The following KCNC1 variants were observed in gnomAD, a reference collection of about 807,000 sequenced individuals.
KCNC1 encodes the protein potassium voltage-gated channel subfamily C member 1.
KCNC1 carries 8 observed loss-of-function variants against 43.4 expected under a neutral mutation model. The ratio of observed to expected loss-of-function variants is 0.18; its 90% CI spans 0.11 to 0.33. The LOEUF is 0.33. KCNC1 is among the 10% of genes least tolerant of loss of function. The probability of loss-of-function intolerance (pLI) is 1.00; values close to 1 mark genes in which losing one functional copy is unlikely to be tolerated. For missense variants in KCNC1, 420 were observed against 836.0 expected, an observed-to-expected ratio of 0.50 and a Z score of 6.14; for synonymous variants, 361 against 360.5, an observed-to-expected ratio of 1.00 and a Z score of -0.01.
chr11:17,748,518 G>A (rs1848928195), intron 1 of KCNC1, among the ~76,000 whole-genome samples: 1 of 152,104 alleles, frequency 6.6e-6, no homozygotes, highest in Non-Finnish European at 1.5e-5. Flanking sequence ...TTGAGAGATG[G>A]GCACGCTAGG....
chr11:17,762,387 C>A (rs185715998), intron 1 of KCNC1, among the ~76,000 whole-genome samples: 1 of 152,220 alleles, frequency 6.6e-6, no homozygotes. Flanking sequence ...GTGAGAGGCT[C>A]TGTGTGGAGG....
chr11:17,743,354 G>A (rs763003027), intron 1 of KCNC1, among the ~76,000 whole-genome samples: 14 of 151,874 alleles, frequency 9.2e-5, no homozygotes, highest in Non-Finnish European at 1.5e-4. Context: ...CTGTGCCCCA[G>A]GTTTGAATTT....
Position 17,777,325 on chromosome 11 carries a change from C to T in KCNC1, c.1505-2131C>T. 1 of 985,876 alleles carries T rather than the reference C, an allele frequency of 1.0e-6. No individual in the cohort carries two copies. Among genetic ancestry groups the T allele is most frequent in the Non-Finnish European group, 1.2e-6 (1 of 830,004 alleles). The allele number at this position is 985,876 out of a possible 1,614,324, so 61.1% of individuals were successfully genotyped here. ...ACCTCCCCTGGCAGAGGATGGCCAA[C>T]AGAGACTCAGCAAGTCCTCACTCCC... On this transcript the variant is annotated intron_variant, in intron 2 of 3. Coordinates refer to ENST00000265969, the MANE Select transcript of KCNC1 (RefSeq NM_001112741.2). This position sits in a 1 kb window ranked among gnomAD's most constrained non-coding sequence, Gnocchi z 4.3.
At chr11:17,749,361 C>T (rs1002179461) in intron 1 of KCNC1, among the ~76,000 whole-genome samples, 4 of 152,252 alleles carry the variant, frequency 2.6e-5, no homozygotes, top group Non-Finnish European at 5.9e-5. Flanking sequence ...CTCACCCCAC[C>T]TGAGAGGAGA....
chr11:17,745,791 C>T (rs1350333758), intron 1 of KCNC1, among the ~76,000 whole-genome samples: 1 of 152,218 alleles, frequency 6.6e-6, no homozygotes, highest in South Asian at 2.1e-4. Flanking sequence ...CTCTCACACC[C>T]CCTCCAGGTC....
intron 1 of KCNC1, among the ~76,000 whole-genome samples, chr11:17,740,684 G>A (rs962923160): frequency 2.0e-5 from 3 of 152,092 alleles, no homozygotes; most frequent in Non-Finnish European, 2.9e-5. Flanking sequence ...CTGTTCCTGA[G>A]TCACTTGACC....
intron 1 of KCNC1, among the ~76,000 whole-genome samples, chr11:17,746,725 C>T (rs1176793757): frequency 6.6e-6 from 1 of 152,114 alleles, no homozygotes; most frequent in African/African-American, 2.4e-5. Flanking sequence ...TTGCATCTCC[C>T]CACTCCCCAC....
chr11:17,739,109 C>G lies in KCNC1; in HGVS notation c.570+2537C>G, dbSNP rs1489121951. ...AGACCAGCCGCCTGCCCGCCCTCCT[C>G]CCCCTCTGTCTTTGCTCTGCCGCCT... On this transcript the variant is annotated intron_variant, in intron 1 of 3. Coordinates refer to ENST00000265969, the MANE Select transcript of KCNC1 (RefSeq NM_001112741.2). The surrounding 1 kb of genome is among the most constrained non-coding windows in gnomAD (Gnocchi z 4.2). Among the ~76,000 whole-genome samples the G allele has an allele frequency of 6.6e-6, 1 of 152,152 alleles. No individual in the cohort carries two copies. The highest frequency in any genetic ancestry group is 2.4e-5 in the African/African-American group (1 of 41,440).
intron 2 of KCNC1, among the ~76,000 whole-genome samples, chr11:17,778,033 G>A (rs1162659308): frequency 1.3e-5 from 2 of 152,172 alleles, no homozygotes; most frequent in Admixed American, 6.5e-5. Context: ...CTCCCCTGAC[G>A]TGGTCGTGCC....
intron 2 of KCNC1, chr11:17,775,062 G>T (rs1415628631): frequency 3.0e-6 from 3 of 985,412 alleles, no homozygotes; most frequent in Non-Finnish European, 3.6e-6. Flanking sequence ...TAGGGTTGGG[G>T]TGAGTTTGTG....
In KCNC1 at chr11:17,773,013, T is replaced by A; in HGVS notation, c.1504+415T>A. On this transcript the variant is annotated intron_variant, in intron 2 of 3. Transcript: ENST00000265969. The surrounding 1 kb of genome is among the most constrained non-coding windows in gnomAD (Gnocchi z 4.1). The stretch of plus-strand genomic sequence containing the variant: ...TGTGATTTGGAAACGCTAGACAGCC[T>A]TTGATCTGGTCCTTACCATGGCTCC... 1 of 1,055,246 alleles carries A rather than the reference T, an allele frequency of 9.5e-7. No individual in the cohort carries two copies. The allele number at this position is 1,055,246 out of a possible 1,614,324, so 65.4% of individuals were successfully genotyped here.
rs1313254573 is a variant in KCNC1, at chr11:17,781,644, G to A, written c.1694-26G>A. 6.7e-6 allele frequency: 10 copies of A among 1,487,998 alleles called. No homozygotes were observed. The highest frequency in any genetic ancestry group is 2.0e-5 in the Admixed American group (1 of 50,802). The allele number at this position is 1,487,998 out of a possible 1,614,324, so 92.2% of individuals were successfully genotyped here. A position where few individuals can be genotyped will look rare whatever the true frequency, so the allele number is the denominator to read the frequency against. On this transcript the variant is annotated intron_variant, in intron 3 of 3. Transcript: ENST00000265969. This position sits in a 1 kb window ranked among gnomAD's most constrained non-coding sequence, Gnocchi z 5.1. ...GGGAGAGCCAAGAAGAGAAGCTCAAGTGTTAATTGTATTCTTTACATACAG... is the reference window on the plus strand; with the variant it reads ...GGGAGAGCCAAGAAGAGAAGCTCAAATGTTAATTGTATTCTTTACATACAG...
intron 2 of KCNC1, chr11:17,774,821 C>T (rs879513961): frequency 1.9e-5 from 19 of 985,378 alleles, no homozygotes; most frequent in Non-Finnish European, 2.2e-5. Flanking sequence ...CAAGCCCTTC[C>T]CAAGCACTCA....
intron 1 of KCNC1, among the ~76,000 whole-genome samples, chr11:17,748,299 G>A (rs1451997428): frequency 6.6e-6 from 1 of 152,156 alleles, no homozygotes; most frequent in Non-Finnish European, 1.5e-5. Flanking sequence ...CAAAAGCCCT[G>A]AGCAGCTGTG....
chr11:17,775,281 T>TTG, intron 2 of KCNC1: 23 of 935,016 alleles, frequency 2.5e-5, no homozygotes, highest in South Asian at 4.9e-5. Flanking sequence ...TCTGAGGGCA[T>TTG]CCCTCCCGCC....
intron 1 of KCNC1, among the ~76,000 whole-genome samples, chr11:17,764,246 TACAC>T (rs762046789): frequency 1.5e-5 from 2 of 134,894 alleles, no homozygotes; most frequent in African/African-American, 2.9e-5. Context: ...CATAGTCCCA[TACAC>T]ACACACACAC....
chr11:17,755,284 C>T lies in KCNC1; in HGVS notation c.571-16381C>T, dbSNP rs995236440. Among the ~76,000 whole-genome samples, 9 of 152,252 alleles carry T rather than the reference C, an allele frequency of 5.9e-5. 1 individual carries two copies. The highest frequency in any genetic ancestry group is 2.6e-4 in the Admixed American group (4 of 15,294). ...GGATGACCAGATCAAGTCGGATCTG[C>T]AAGCCATTGAGAAGACCTTTGCTCC... On this transcript the variant is annotated intron_variant, in intron 1 of 3. Transcript: ENST00000265969.
At position 17,777,255 on chromosome 11, in the gene KCNC1, C is replaced by G. The variant is rs1023557133; in HGVS notation, c.1505-2201C>G. 1.2e-5 allele frequency: 12 copies of G among 985,820 alleles called. No homozygotes were observed. Among genetic ancestry groups the G allele is most frequent in the East Asian group, 1.1e-4 (1 of 8,760 alleles). The allele number at this position is 985,820 out of a possible 1,614,324, so 61.1% of individuals were successfully genotyped here. A position where few individuals can be genotyped will look rare whatever the true frequency, so the allele number is the denominator to read the frequency against. ...AGGCAGAGGCAGAGAGAAGGCACCC[C>G]CCTCTGACCCACCCCTCCCCAGGCA... On this transcript the variant is annotated intron_variant, in intron 2 of 3. Coordinates refer to ENST00000265969, the MANE Select transcript of KCNC1 (RefSeq NM_001112741.2). The surrounding 1 kb of genome is among the most constrained non-coding windows in gnomAD (Gnocchi z 4.3).
chr11:17,778,794 A>G (rs1849314346), intron 2 of KCNC1, among the ~76,000 whole-genome samples: 2 of 131,372 alleles, frequency 1.5e-5, no homozygotes, highest in African/African-American at 5.8e-5. Flanking sequence ...TATGGGGAAC[A>G]GGGCATACAG....
Sources: gnomAD v4.1 joint callset for allele counts (sites outside exome capture counted in the v4.1 genomes callset) on GRCh38, gnomAD v4.1.1 for gene constraint, Gnocchi (gnomAD v3.1) non-coding constraint, MANE v1.5 for transcripts, NCBI Gene and HGNC (gene_info 2026-07-23, HGNC 2026-07-21) for gene names.